ZNF736: variants seen among roughly 807,000 people sequenced by gnomAD.
The protein encoded by ZNF736 is zinc finger protein 736.
ZNF736 carries 6 observed loss-of-function variants against 11.7 expected under a neutral mutation model. That is an observed-to-expected ratio of 0.51 (90% CI 0.28 to 1.01). The LOEUF is 1.01. Among genes scored for constraint, ZNF736 ranks in the 50% least tolerant of loss-of-function variants. The probability of loss-of-function intolerance (pLI) is 0.09; values close to 1 mark genes in which losing one functional copy is unlikely to be tolerated. For synonymous variants in ZNF736, 139 were observed against 164.7 expected (o/e 0.84, Z 1.19); for missense variants, 444 against 496.0 (o/e 0.90, Z 1.00).
At chr7:64,336,450 T>G (rs886161734) in intron 2 of ZNF736, 65 bp downstream of exon 2, 31 of 1,470,436 alleles carry the variant, frequency 2.1e-5, no homozygotes, top group Non-Finnish European at 2.4e-5. Context: ...TCTGATTTTT[T>G]TGGAGGTTCT....
intron 3 of ZNF736, among the ~76,000 whole-genome samples, chr7:64,339,360 C>G (rs1210150058): frequency 6.6e-6 from 1 of 152,230 alleles, no homozygotes; most frequent in Admixed American, 6.5e-5. Context: ...AAATTCACTT[C>G]AAGACCAATA....
chr7:64,319,327 GTA>G (rs1320004364), intron 1 of ZNF736, among the ~76,000 whole-genome samples: 1,041 of 66,960 alleles, frequency 0.016, 95 homozygotes, highest in African/African-American at 0.058. Flanking sequence ...GTGTGTGTGT[GTA>G]TGTGTATATA....
rs6964963 is a variant in ZNF736, at chr7:64,353,720, C to T, written c.*4573C>T. The T allele has an allele frequency of 7.2e-5, 11 of 151,802 alleles. No individual in the cohort carries two copies. The highest frequency in any genetic ancestry group is 5.9e-4 in the Admixed American group (9 of 15,252). The allele number at this position is 151,802 out of a possible 1,614,324, so 9.4% of individuals were successfully genotyped here. On this transcript the variant is annotated 3_prime_UTR_variant, in exon 4 of 4. Transcript: ENST00000423484. ...GCCACTTATTAGTTTACAGCAGTATCGTAAGTGACAGGATGATAGGAGTGT... is the reference window on the plus strand; with the variant it reads ...GCCACTTATTAGTTTACAGCAGTATTGTAAGTGACAGGATGATAGGAGTGT...
chr7:64,313,977 G>C lies in ZNF736; in HGVS notation c.-174G>C, dbSNP rs566036953. ...GAGGAAGAGGCGGCCTCTTCAATAT[G>C]GCGGGGCCTTTGTCTCCTAGCTTCC... On this transcript the variant is annotated 5_prime_UTR_variant, in exon 1 of 4. The change abolishes an upstream ATG in the 5' untranslated region. Transcript: ENST00000423484. 7.0e-5 allele frequency: 57 copies of C among 815,494 alleles called. No homozygotes were observed. In the African/African-American group the frequency reaches 9.2e-4, roughly 13 times the overall value. The allele number at this position is 815,494 out of a possible 1,614,324, so 50.5% of individuals were successfully genotyped here.
At chr7:64,324,670 A>C (rs1284314009) in intron 1 of ZNF736, among the ~76,000 whole-genome samples, 1 of 152,178 alleles carries the variant, frequency 6.6e-6, no homozygotes, top group African/African-American at 2.4e-5. Context: ...TGTGGCAACA[A>C]CCTGCTCCAT....
In ZNF736 at chr7:64,319,440, A is replaced by C. The variant is rs576506023; in HGVS notation, c.3+5287A>C. On this transcript the variant is annotated intron_variant, in intron 1 of 3. Transcript: ENST00000423484. Reference sequence around the variant, plus strand: ...TGGACTTTTGACTGTAGAGCTTTTAAATTTTTTAAAATTAGATTTTACCCA... The same window carrying C: ...TGGACTTTTGACTGTAGAGCTTTTACATTTTTTAAAATTAGATTTTACCCA... 1.2e-4 allele frequency among the ~76,000 whole-genome samples: 16 copies of C among 132,470 alleles called. No homozygotes were observed. The East Asian group carries it at 3.2e-3, about 27-fold the overall frequency. 86.9% of individuals were successfully genotyped at this position (132,470 alleles called of 152,430 possible).
chr7:64,330,466 GT>G lies in ZNF736; in HGVS notation c.4-5785del, dbSNP rs943163626. Reference sequence around the variant, plus strand: ...GCCACCGTGCCCGGCTGGGAAGTGGGTTTTTTTTCTGACCTAGGGTGGTTCC... The same window carrying G: ...GCCACCGTGCCCGGCTGGGAAGTGGGTTTTTTTCTGACCTAGGGTGGTTCC... On this transcript the variant is annotated intron_variant, in intron 1 of 3. Transcript: ENST00000423484. Among the ~76,000 whole-genome samples the G allele has an allele frequency of 2.0e-5, 3 of 151,576 alleles. No individual in the cohort carries two copies. In the East Asian group the frequency reaches 5.8e-4, roughly 29 times the overall value.
At chr7:64,324,428 G>A (rs913015020) in intron 1 of ZNF736, among the ~76,000 whole-genome samples, 8 of 152,264 alleles carry the variant, frequency 5.3e-5, no homozygotes, top group African/African-American at 1.7e-4. Flanking sequence ...ATTGTTCTGT[G>A]ATGCCATGTT....
At chr7:64,339,045 A>G (rs961586041) in intron 3 of ZNF736, among the ~76,000 whole-genome samples, 3 of 152,280 alleles carry the variant, frequency 2.0e-5, no homozygotes, top group African/African-American at 7.2e-5. Flanking sequence ...ATATCTCACA[A>G]TGAATTTAAT....
At chr7:64,343,588 A>T (rs1215438286) in intron 3 of ZNF736, among the ~76,000 whole-genome samples, 1 of 152,224 alleles carries the variant, frequency 6.6e-6, no homozygotes, top group Non-Finnish European at 1.5e-5. Context: ...AAAAATACCA[A>T]AATATGTGCT....
At position 64,345,842 on chromosome 7, in the gene ZNF736, A is replaced by T. The variant is rs540991418; in HGVS notation, c.227-2248A>T. Among the ~76,000 whole-genome samples, 4 of 152,110 alleles carry T rather than the reference A, an allele frequency of 2.6e-5. No homozygotes were observed. The South Asian group carries it at 8.3e-4, about 32-fold the overall frequency. On this transcript the variant is annotated intron_variant, in intron 3 of 3. Coordinates refer to ENST00000423484, the MANE Select transcript of ZNF736 (RefSeq NM_001170905.3). The stretch of plus-strand genomic sequence containing the variant: ...TTTCATTCCATTTGGACCATAAATA[A>T]TTGTCCGTAAAATTTCAATTAAAAA...
At chr7:64,331,120 A>C (rs988869983) in intron 1 of ZNF736, among the ~76,000 whole-genome samples, 1 of 152,200 alleles carries the variant, frequency 6.6e-6, no homozygotes, top group Non-Finnish European at 1.5e-5. Context: ...GCAAAGCACC[A>C]GGATTTGCCC....
chr7:64,338,156 G>GTA (rs1212542563), intron 3 of ZNF736, among the ~76,000 whole-genome samples: 1 of 151,998 alleles, frequency 6.6e-6, no homozygotes, highest in Non-Finnish European at 1.5e-5. Flanking sequence ...TCATTCATAT[G>GTA]TATATATATA....
intron 1 of ZNF736, among the ~76,000 whole-genome samples, chr7:64,329,667 G>GC (rs1460522724): frequency 6.6e-6 from 1 of 152,134 alleles, no homozygotes; most frequent in Non-Finnish European, 1.5e-5. Flanking sequence ...TGTAACACTA[G>GC]CACCCCTGTG....
chr7:64,347,296 G>A (rs10216120), intron 3 of ZNF736, among the ~76,000 whole-genome samples: 35,353 of 133,200 alleles, frequency 0.27, 4,501 homozygotes, highest in African/African-American at 0.32. Flanking sequence ...TTGGCTCATT[G>A]CAACCTCCAC....
intron 1 of ZNF736, among the ~76,000 whole-genome samples, chr7:64,318,428 A>T (rs2115865453): frequency 6.6e-6 from 1 of 152,084 alleles, no homozygotes; most frequent in South Asian, 2.1e-4. Context: ...TGTCCCATTT[A>T]CATGCTTTAT....
chr7:64,321,105 C>T (rs1262892480), intron 1 of ZNF736, among the ~76,000 whole-genome samples: 5 of 152,162 alleles, frequency 3.3e-5, no homozygotes, highest in African/African-American at 9.7e-5. Flanking sequence ...GTATGAGCAT[C>T]ACTCCTCAAG....
chr7:64,331,582 G>C (rs982895800), intron 1 of ZNF736, among the ~76,000 whole-genome samples: 2 of 152,168 alleles, frequency 1.3e-5, no homozygotes, highest in African/African-American at 4.8e-5. Flanking sequence ...ATTCTATTTG[G>C]TGTTTTATCT....
At chr7:64,323,691 G>A (rs1789037564) in intron 1 of ZNF736, among the ~76,000 whole-genome samples, 1 of 152,128 alleles carries the variant, frequency 6.6e-6, no homozygotes, top group Non-Finnish European at 1.5e-5. Context: ...GCTGAATGAT[G>A]AGATACATGG....
Sources: allele counts gnomAD v4.1 joint callset (sites outside exome capture counted in the v4.1 genomes callset), GRCh38; gene constraint gnomAD v4.1.1; transcripts MANE v1.5; gene names NCBI Gene and HGNC (gene_info 2026-07-23, HGNC 2026-07-21).